The following NLRP5 variants were observed in gnomAD, a reference collection of about 807,000 sequenced individuals.
The protein encoded by NLRP5 is NLR family pyrin domain containing 5.
Under a neutral mutation model 113.1 loss-of-function variants are expected in NLRP5, and 93 were observed. That is an observed-to-expected ratio of 0.82 (90% CI 0.70 to 0.98). NLRP5 has a LOEUF of 0.98. NLRP5 is among the 50% of genes least tolerant of loss of function. The pLI, the probability that NLRP5 is intolerant of heterozygous loss-of-function variation, is 0.00. For synonymous variants in NLRP5, 751 were observed against 600.7 expected, an observed-to-expected ratio of 1.25 and a Z score of -3.66; for missense variants, 1,808 against 1,514.3, an observed-to-expected ratio of 1.19 and a Z score of -3.22.
the NLRP5 span, chr19:55,988,095 T>C: frequency 6.3e-5 from 35 of 555,350 alleles, no homozygotes; most frequent in Non-Finnish European, 2.3e-5. Context: ...CCTGTGTGTA[T>C]TAATATGCTA....
intron 6 of NLRP5, among the ~76,000 whole-genome samples, chr19:56,025,315 T>C (rs895467340): frequency 2.2e-4 from 34 of 152,158 alleles, no homozygotes; most frequent in African/African-American, 8.2e-4. Flanking sequence ...CCAAAAAGGT[T>C]GGGGATCACT....
intron 3 of NLRP5, among the ~76,000 whole-genome samples, chr19:56,013,166 GCTTT>G (rs1050189852): frequency 6.6e-6 from 1 of 152,054 alleles, no homozygotes; most frequent in Admixed American, 6.6e-5. Context: ...TGTGTGACTG[GCTTT>G]CTTCATTTAA....
chr19:56,032,115 C>CGG (rs912710666), intron 7 of NLRP5, among the ~76,000 whole-genome samples: 3 of 152,016 alleles, frequency 2.0e-5, no homozygotes, highest in African/African-American at 4.8e-5. Flanking sequence ...GAGGCCAAGG[C>CGG]GGGGGCAGAT....
At chr19:56,007,708 G>T (rs1293441396) in intron 2 of NLRP5, among the ~76,000 whole-genome samples, 2 of 150,836 alleles carry the variant, frequency 1.3e-5, no homozygotes. Flanking sequence ...CAGCACTGTT[G>T]CAAAAGTGTT....
chr19:55,988,076 C>T, the NLRP5 span: 4 of 599,410 alleles, frequency 6.7e-6, no homozygotes, highest in Non-Finnish European at 9.1e-6. Context: ...GGAGTGAGGA[C>T]GGTGATGCCC....
At chr19:55,987,897 C>A in the NLRP5 span, 1 of 1,613,282 alleles carries the variant, frequency 6.2e-7, no homozygotes, top group Non-Finnish European at 8.5e-7. Flanking sequence ...GACTGCCTAT[C>A]CCAGATTAAT....
At chr19:55,987,855 C>T in the NLRP5 span, 76 of 1,614,000 alleles carry the variant, frequency 4.7e-5, no homozygotes, top group Non-Finnish European at 5.9e-5. Context: ...TTCTCCCCAA[C>T]TCCTCACCCA....
chr19:56,055,045 G>A (rs1009893113), intron 13 of NLRP5, among the ~76,000 whole-genome samples: 4 of 130,564 alleles, frequency 3.1e-5, no homozygotes, highest in African/African-American at 1.2e-4. Context: ...TGTCACCCAG[G>A]CTGGAGTGCA....
intron 7 of NLRP5, among the ~76,000 whole-genome samples, chr19:56,029,776 G>A (rs1044647639): frequency 2.6e-5 from 4 of 151,618 alleles, no homozygotes; most frequent in Non-Finnish European, 4.4e-5. Context: ...CTGTGGACAG[G>A]CTGGGTGCAG....
At chr19:56,038,241 G>T in intron 10 of NLRP5, 46 bp downstream of exon 10, 1 of 1,558,878 alleles carries the variant, frequency 6.4e-7, no homozygotes, top group Admixed American at 1.7e-5. Context: ...ACTTCCACCA[G>T]GATTATCGTA....
Position 56,006,559 on chromosome 19 carries a change from C to T in NLRP5, c.443-2229C>T, listed in dbSNP as rs1423625831. Among the ~76,000 whole-genome samples, 11 of 151,806 alleles carry T rather than the reference C, an allele frequency of 7.2e-5. 1 individual carries two copies. The highest frequency in any genetic ancestry group is 7.2e-4 in the Admixed American group (11 of 15,260). ...CCAGCCTGGCCAACATGGTGAAACA[C>T]TGTCTCTACTAAAAATACAAAAATT... On this transcript the variant is annotated intron_variant, in intron 2 of 14. Transcript: ENST00000390649.
chr19:55,987,294 C>T, the NLRP5 span, among the ~76,000 whole-genome samples: 3 of 152,204 alleles, frequency 2.0e-5, no homozygotes, highest in South Asian at 4.1e-4. Context: ...CGCTTTAACC[C>T]AGGAGGCAGA....
intron 1 of NLRP5, among the ~76,000 whole-genome samples, chr19:56,002,454 GT>G (rs11291953): frequency 0.011 from 1,622 of 146,818 alleles, 30 homozygotes; most frequent in African/African-American, 0.036. Context: ...TTTGCCAGAG[GT>G]TTTTTTTTTT....
chr19:55,996,763 C>T (rs907688154), upstream of NLRP5, among the ~76,000 whole-genome samples: 10 of 152,160 alleles, frequency 6.6e-5, no homozygotes, highest in African/African-American at 2.2e-4. Flanking sequence ...GGTTCCAAGT[C>T]TTTGCTATTG....
chr19:56,050,276 C>CAAAAAATCA, intron 11 of NLRP5, 142 bp from the exon 12 acceptor site: 1 of 540,336 alleles, frequency 1.9e-6, no homozygotes, highest in East Asian at 3.7e-5. Context: ...CAAGACTCCT[C>CAAAAAATCA]AAAAAAAAAA....
chr19:55,987,709 G>A, the NLRP5 span: 2 of 768,950 alleles, frequency 2.6e-6, no homozygotes, highest in Admixed American at 3.9e-5. Context: ...GAGGTGGGAG[G>A]GGTACGGTCT....
chr19:56,006,971 C>G (rs771599339), intron 2 of NLRP5, among the ~76,000 whole-genome samples: 1 of 151,102 alleles, frequency 6.6e-6, no homozygotes, highest in Non-Finnish European at 1.5e-5. Flanking sequence ...GATCTCCCGA[C>G]CTTGTGATCC....
intron 1 of NLRP5, among the ~76,000 whole-genome samples, chr19:56,001,579 C>A (rs1981653704): frequency 6.6e-6 from 1 of 152,152 alleles, no homozygotes; most frequent in South Asian, 2.1e-4. Flanking sequence ...CTGGGGACAA[C>A]TTTGTCCCTG....
intron 3 of NLRP5, among the ~76,000 whole-genome samples, chr19:56,012,505 G>A (rs1171217875): frequency 7.4e-6 from 1 of 134,850 alleles, no homozygotes; most frequent in African/African-American, 2.8e-5. Context: ...GTAAAATCTT[G>A]AGAATACAAT....
Sources: gnomAD v4.1 joint callset for allele counts (sites outside exome capture counted in the v4.1 genomes callset) on GRCh38, gnomAD v4.1.1 for gene constraint, MANE v1.5 for transcripts, NCBI Gene and HGNC (gene_info 2026-07-23, HGNC 2026-07-21) for gene names.